The following MARCHF1 variants were observed in gnomAD, a reference collection of about 807,000 sequenced individuals.
The protein encoded by MARCHF1 is membrane associated ring-CH-type finger 1, also known as E3 ubiquitin-protein ligase MARCHF1.
A neutral mutation model predicts 54.2 loss-of-function variants in MARCHF1; 40 were observed. The observed-to-expected ratio is 0.74, with a 90% CI of 0.57 to 0.96. MARCHF1 has a LOEUF of 0.96. MARCHF1 is among the 40% of genes least tolerant of loss of function. MARCHF1 has a pLI of 0.00. For missense variants in MARCHF1, 586 were observed against 656.5 expected, an observed-to-expected ratio of 0.89 and a Z score of 1.17; for synonymous variants, 236 against 236.3, an observed-to-expected ratio of 1.00 and a Z score of 0.01.
chr4:163,902,493 T>A (rs922017076), intron 3 of MARCHF1, among the ~76,000 whole-genome samples: 1 of 152,036 alleles, frequency 6.6e-6, no homozygotes, highest in Non-Finnish European at 1.5e-5. Flanking sequence ...AATGAGAAAA[T>A]CTTTGAGACA....
intron 3 of MARCHF1, among the ~76,000 whole-genome samples, chr4:163,881,393 C>T (rs1750412732): frequency 1.3e-5 from 2 of 152,210 alleles, no homozygotes; most frequent in East Asian, 1.9e-4. Context: ...ATCGCTTGAA[C>T]CTGGGAGGCA....
rs1336607629 is a variant in MARCHF1, at chr4:164,359,043, C to G, written c.-323+24827G>C. Among the ~76,000 whole-genome samples the G allele has an allele frequency of 2.0e-5, 3 of 151,932 alleles. No individual in the cohort carries two copies. In the East Asian group the frequency reaches 5.8e-4, roughly 29 times the overall value. Reference sequence around the variant, plus strand: ...TTACTCTGAAAAAACTGACAAATTACAAAAACAAAAATTTTTGTTTTATTC... The same window carrying G: ...TTACTCTGAAAAAACTGACAAATTAGAAAAACAAAAATTTTTGTTTTATTC... On this transcript the variant is annotated intron_variant, in intron 1 of 9. Transcript: ENST00000514618.
intron 1 of MARCHF1, among the ~76,000 whole-genome samples, chr4:164,337,524 G>A (rs910456443): frequency 1.3e-5 from 2 of 152,180 alleles, no homozygotes; most frequent in East Asian, 1.9e-4. Context: ...CAGCATGGAT[G>A]AGTAAATGGC....
intron 3 of MARCHF1, among the ~76,000 whole-genome samples, chr4:163,920,536 G>T (rs1302986937): frequency 6.6e-6 from 1 of 152,130 alleles, no homozygotes; most frequent in Non-Finnish European, 1.5e-5. Flanking sequence ...TTATGCCCTA[G>T]ACAGCTTCCC....
chr4:164,197,569 C>T, intron 1 of MARCHF1: 1 of 1,613,372 alleles, frequency 6.2e-7, no homozygotes, highest in Non-Finnish European at 8.5e-7. Flanking sequence ...GTTGATTTTA[C>T]TTAAGAATTC....
chr4:163,730,081 A>G (rs1328446834), intron 4 of MARCHF1, among the ~76,000 whole-genome samples: 1 of 151,756 alleles, frequency 6.6e-6, no homozygotes, highest in Non-Finnish European at 1.5e-5. Flanking sequence ...ACTTTTCTTC[A>G]ATATTTTCTT....
At chr4:164,356,780 C>CAAAAAAAAAAAAAAAAAAGCA (rs58855405) in intron 1 of MARCHF1, among the ~76,000 whole-genome samples, 1,919 of 101,358 alleles carry the variant, frequency 0.019, 37 homozygotes, top group East Asian at 0.073. Context: ...AAAAGAAAAG[C>CAAAAAAAAAAAAAAAAAAGCA]AAAAAAAAAA....
chr4:164,214,170 A>AAG (rs1340468594), intron 1 of MARCHF1, among the ~76,000 whole-genome samples: 1 of 151,878 alleles, frequency 6.6e-6, no homozygotes, highest in African/African-American at 2.4e-5. Flanking sequence ...AAAAAGTAAA[A>AAG]AAAATTGTAT....
Position 164,187,638 on chromosome 4 carries a change from G to T in MARCHF1, c.-322-75976C>A, listed in dbSNP as rs951006149. On this transcript the variant is annotated intron_variant, in intron 1 of 9. Coordinates refer to ENST00000514618, the MANE Select transcript of MARCHF1 (RefSeq NM_001394959.1). ...GGAAGCCTGGCAAGGGCAACTGGCAGCTGCAATATTTGCTGCTGCTTAGGT... is the reference window on the plus strand; with the variant it reads ...GGAAGCCTGGCAAGGGCAACTGGCATCTGCAATATTTGCTGCTGCTTAGGT... Among the ~76,000 whole-genome samples the T allele has an allele frequency of 2.6e-5, 4 of 152,166 alleles. No individual in the cohort carries two copies. The South Asian group carries it at 8.3e-4, about 32-fold the overall frequency.
intron 2 of MARCHF1, among the ~76,000 whole-genome samples, chr4:164,095,843 A>C (rs1755399228): frequency 6.6e-6 from 1 of 152,144 alleles, no homozygotes; most frequent in African/African-American, 2.4e-5. Flanking sequence ...TCATCAGAGA[A>C]ATGCAAATCA....
chr4:163,842,631 G>A (rs1357193822), intron 4 of MARCHF1, among the ~76,000 whole-genome samples: 1 of 152,064 alleles, frequency 6.6e-6, no homozygotes, highest in Non-Finnish European at 1.5e-5. Context: ...TGCTGTGGTG[G>A]GGATTAAATG....
intron 2 of MARCHF1, among the ~76,000 whole-genome samples, chr4:164,088,313 G>A (rs1243920268): frequency 6.6e-6 from 1 of 152,100 alleles, no homozygotes; most frequent in East Asian, 1.9e-4. Context: ...TCTACAGTTA[G>A]GTTGAGAAGC....
chr4:164,294,735 A>C (rs1734369454), intron 1 of MARCHF1, among the ~76,000 whole-genome samples: 1 of 152,228 alleles, frequency 6.6e-6, no homozygotes, highest in African/African-American at 2.4e-5. Flanking sequence ...AGAAACTGTG[A>C]ATATAAATAA....
At chr4:164,151,233 T>A (rs532873084) in intron 1 of MARCHF1, among the ~76,000 whole-genome samples, 8 of 152,260 alleles carry the variant, frequency 5.3e-5, no homozygotes, top group Admixed American at 5.2e-4. Flanking sequence ...CAGTGATGAA[T>A]AGGAGAGCTA....
At chr4:164,107,217 G>A (rs575957357) in intron 2 of MARCHF1, among the ~76,000 whole-genome samples, 1 of 151,898 alleles carries the variant, frequency 6.6e-6, no homozygotes. Context: ...ATATATCAGT[G>A]GTTTTTGACT....
At chr4:164,069,290 T>G (rs965900874) in intron 2 of MARCHF1, among the ~76,000 whole-genome samples, 1 of 152,108 alleles carries the variant, frequency 6.6e-6, no homozygotes, top group African/African-American at 2.4e-5. Flanking sequence ...AGGATGTGGG[T>G]GGGGCCAGAT....
rs544357868 is a variant in MARCHF1 at position 164,139,664 on chromosome 4, G to A, written c.-322-28002C>T. Among the ~76,000 whole-genome samples, 68 of 152,234 alleles carry A rather than the reference G, an allele frequency of 4.5e-4. 1 individual carries two copies. Among genetic ancestry groups the A allele is most frequent in the African/African-American group, 1.6e-3 (67 of 41,510 alleles). ...GAGGAGCTGCTCATCCCTGCTGTAA[G>A]AGTTGCTTACTCAGCGCAGGAGTAG... On this transcript the variant is annotated intron_variant, in intron 1 of 9. Transcript: ENST00000514618.
At chr4:164,311,172 T>C (rs976019023) in intron 1 of MARCHF1, among the ~76,000 whole-genome samples, 1 of 152,158 alleles carries the variant, frequency 6.6e-6, no homozygotes, top group Admixed American at 6.5e-5. Context: ...TTAACCGTCC[T>C]CTATACTGAA....
intron 2 of MARCHF1, among the ~76,000 whole-genome samples, chr4:164,007,792 G>A (rs1753330347): frequency 6.6e-6 from 1 of 151,154 alleles, no homozygotes; most frequent in Non-Finnish European, 1.5e-5. Flanking sequence ...TAACCCTTGT[G>A]GTAAGCACGG....
Sources: allele counts gnomAD v4.1 joint callset (sites outside exome capture counted in the v4.1 genomes callset), GRCh38; gene constraint gnomAD v4.1.1; transcripts MANE v1.5; gene names NCBI Gene and HGNC (gene_info 2026-07-23, HGNC 2026-07-21).